IFFO2: variants seen among roughly 807,000 people sequenced by gnomAD.
IFFO2 encodes the protein intermediate filament family orphan 2.
A neutral mutation model predicts 53.5 loss-of-function variants in IFFO2; 19 were observed. That is an observed-to-expected ratio of 0.36 (90% CI 0.25 to 0.52). The LOEUF is 0.52. Among genes scored for constraint, IFFO2 ranks in the 20% least tolerant of loss-of-function variants. The pLI is 0.94. For synonymous variants in IFFO2, 303 were observed against 313.6 expected (o/e 0.97, Z 0.36); for missense variants, 570 against 727.4 (o/e 0.78, Z 2.49).
chr1:18,937,711 C>T (rs1569858096), intron 1 of IFFO2, among the ~76,000 whole-genome samples: 1 of 152,212 alleles, frequency 6.6e-6, no homozygotes, highest in Non-Finnish European at 1.5e-5. Flanking sequence ...GTGACTCATC[C>T]AGGGTCACAT....
At position 18,951,552 on chromosome 1, in the gene IFFO2, G is replaced by A. The variant is rs1027354680; in HGVS notation, c.665+4116C>T. 2.6e-5 allele frequency among the ~76,000 whole-genome samples: 4 copies of A among 152,290 alleles called. No individual in the cohort carries two copies. The South Asian group carries it at 8.3e-4, about 32-fold the overall frequency. On this transcript the variant is annotated intron_variant, in intron 1 of 8. Coordinates refer to ENST00000455833, the MANE Select transcript of IFFO2 (RefSeq NM_001136265.2). ...GGGACACCAGGCCCCCAAAAGAGTC[G>A]CCCTGTCTGATAGGCAGCTAGGCCA...
At position 18,917,021 on chromosome 1, in the gene IFFO2, G is replaced by A. The variant is rs143329545; in HGVS notation, c.985C>T (p.Arg329Cys). 72 of 1,552,256 alleles carry A rather than the reference G, an allele frequency of 4.6e-5. No individual in the cohort carries two copies. The East Asian group carries it at 1.6e-3, about 35-fold the overall frequency. The change falls in exon 5 of 9, where the codon CGT becomes TGT. Residue 329 changes from arginine (R) to cysteine (C), a missense_variant. Coordinates refer to ENST00000455833, the MANE Select transcript of IFFO2 (RefSeq NM_001136265.2). This position sits in a 1 kb window ranked among gnomAD's most constrained non-coding sequence, Gnocchi z 5.9. ...ATGTCATCATCGGAAGCCACCTTAC[G>A]CTCTTTCTTTTTGGGGACCACCTGA... ...IFQVVPKKKE[R>C]KVASDDDISE...
chr1:18,933,646 T>A (rs1936408377), intron 1 of IFFO2, among the ~76,000 whole-genome samples: 2 of 152,022 alleles, frequency 1.3e-5, no homozygotes, highest in East Asian at 3.9e-4. Context: ...TAGTCCCAGA[T>A]ACTCAGGAGG....
intron 1 of IFFO2, among the ~76,000 whole-genome samples, chr1:18,950,856 C>T (rs1167600900): frequency 6.6e-6 from 1 of 152,248 alleles, no homozygotes; most frequent in African/African-American, 2.4e-5. Flanking sequence ...CCCCTTCCGG[C>T]TCACAGTCAG....
At chr1:18,922,877 C>G (rs553254420) in intron 1 of IFFO2, among the ~76,000 whole-genome samples, 2 of 152,126 alleles carry the variant, frequency 1.3e-5, no homozygotes, top group Non-Finnish European at 1.5e-5. Flanking sequence ...CAGGCCACCT[C>G]TCACCGAGAA....
rs1392790052 is a variant in IFFO2, at chr1:18,919,618, C to T, written c.822+60G>A. ...CCCCGGAGCCTCGGAGGGAATGAAG[C>T]ATTTTGCATGATGGGTGTGGGGGAG... On this transcript the variant is annotated intron_variant, in intron 3 of 8. Coordinates refer to ENST00000455833, the MANE Select transcript of IFFO2 (RefSeq NM_001136265.2). The surrounding 1 kb of genome is among the most constrained non-coding windows in gnomAD (Gnocchi z 4.9). The T allele has an allele frequency of 8.8e-7, 1 of 1,136,046 alleles. No homozygotes were observed. The highest frequency in any genetic ancestry group is 1.9e-4 in the Middle Eastern group (1 of 5,142). 70.4% of individuals were successfully genotyped at this position (1,136,046 alleles called of 1,614,324 possible).
intron 1 of IFFO2, among the ~76,000 whole-genome samples, chr1:18,951,736 A>G (rs1213362295): frequency 6.6e-6 from 1 of 152,184 alleles, no homozygotes; most frequent in Non-Finnish European, 1.5e-5. Flanking sequence ...GACAGGGGAA[A>G]CGGTTGAACC....
intron 8 of IFFO2, among the ~76,000 whole-genome samples, chr1:18,908,973 C>T (rs1320181951): frequency 6.6e-6 from 1 of 151,904 alleles, no homozygotes; most frequent in Non-Finnish European, 1.5e-5. Flanking sequence ...ATAGTAGGTG[C>T]TAAGTAAAAC....
intron 5 of IFFO2, among the ~76,000 whole-genome samples, chr1:18,914,214 G>A (rs1368432048): frequency 2.6e-5 from 4 of 152,140 alleles, no homozygotes; most frequent in South Asian, 2.1e-4. Flanking sequence ...ACACAGAGGC[G>A]CCCACTCCTG....
intron 5 of IFFO2, among the ~76,000 whole-genome samples, chr1:18,913,169 C>T (rs774957876): frequency 1.2e-4 from 18 of 152,210 alleles, no homozygotes; most frequent in Admixed American, 7.2e-4. Context: ...GGGACTGGGC[C>T]GGTCCCAAGA....
chr1:18,912,915 A>G (rs1247529617), intron 5 of IFFO2, among the ~76,000 whole-genome samples: 1 of 152,230 alleles, frequency 6.6e-6, no homozygotes, highest in Non-Finnish European at 1.5e-5. Context: ...AGGGGTTCCC[A>G]AGATGCCTTG....
rs761470084 is a variant in IFFO2 at position 18,956,226 on chromosome 1, C to G, written c.107G>C (p.Gly36Ala). 25 of 1,282,252 alleles carry G rather than the reference C, an allele frequency of 1.9e-5. 1 individual carries two copies. The South Asian group carries it at 3.7e-4, about 19-fold the overall frequency. 79.4% of individuals were successfully genotyped at this position (1,282,252 alleles called of 1,614,324 possible). A position where few individuals can be genotyped will look rare whatever the true frequency, so the allele number is the denominator to read the frequency against. The change falls in exon 1 of 9, where the codon GGG (glycine) becomes GCG (alanine). Residue 36 changes from glycine to alanine, a missense_variant. Coordinates refer to ENST00000455833, the MANE Select transcript of IFFO2 (RefSeq NM_001136265.2). This position sits in a 1 kb window ranked among gnomAD's most constrained non-coding sequence, Gnocchi z 6.4. ...CGCCGTCACCGGCGACGGACCCGGC[C>G]CTGCCCCGCCGCCGCCGCCGCCCCC... ...PGGGGGGGGA[G>A]PGPSPVTAAL...
chr1:18,931,640 T>C (rs1303428255), intron 1 of IFFO2, among the ~76,000 whole-genome samples: 1 of 152,188 alleles, frequency 6.6e-6, no homozygotes, highest in African/African-American at 2.4e-5. Flanking sequence ...AAAATGCTGA[T>C]TAGGTGCTAA....
chr1:18,911,669 G>C (rs1185825617), intron 6 of IFFO2, among the ~76,000 whole-genome samples, 193 bp from the exon 7 acceptor site: 1 of 152,154 alleles, frequency 6.6e-6, no homozygotes, highest in East Asian at 1.9e-4. Flanking sequence ...CTCCCGAATA[G>C]CTGGGATTAC....
intron 1 of IFFO2, among the ~76,000 whole-genome samples, chr1:18,953,793 C>T (rs979193806): frequency 6.6e-6 from 1 of 152,208 alleles, no homozygotes; most frequent in Non-Finnish European, 1.5e-5. Context: ...ACACCCCACG[C>T]CCTGGGTGCA....
chr1:18,937,418 T>C (rs918582320), intron 1 of IFFO2, among the ~76,000 whole-genome samples: 1 of 152,194 alleles, frequency 6.6e-6, no homozygotes, highest in African/African-American at 2.4e-5. Flanking sequence ...GCTCCTGTCA[T>C]CATGGCGGGC....
chr1:18,918,463 T>G lies in IFFO2; in HGVS notation c.862A>C (p.Met288Leu). ...CGGCAGATGTCCATGTCCACCTTCATGGCCTTTTCTTGGATCTTTGTGTCC... is the reference window on the plus strand; with the variant it reads ...CGGCAGATGTCCATGTCCACCTTCAGGGCCTTTTCTTGGATCTTTGTGTCC... ...DLDTKIQEKAMKVDMDICRRI... is the reference protein window; with the variant it reads ...DLDTKIQEKALKVDMDICRRI... Residue 288 changes from methionine to leucine, a missense_variant, in exon 4 of 9, where the codon ATG becomes CTG. Coordinates refer to ENST00000455833, the MANE Select transcript of IFFO2 (RefSeq NM_001136265.2). The surrounding 1 kb of genome is among the most constrained non-coding windows in gnomAD (Gnocchi z 5.2). 5 of 1,560,818 alleles carry G rather than the reference T, an allele frequency of 3.2e-6. No homozygotes were observed. Among genetic ancestry groups the G allele is most frequent in the Non-Finnish European group, 4.3e-6 (5 of 1,152,066 alleles).
intron 1 of IFFO2, among the ~76,000 whole-genome samples, chr1:18,940,756 C>T (rs750927106): frequency 2.0e-5 from 3 of 152,178 alleles, no homozygotes; most frequent in South Asian, 4.1e-4. Flanking sequence ...GTGATACAGA[C>T]CCTCCAGTAT....
At chr1:18,925,766 A>ATGGATGGATGGATGGATTGGT (rs1192353636) in intron 1 of IFFO2, among the ~76,000 whole-genome samples, 2 of 151,308 alleles carry the variant, frequency 1.3e-5, no homozygotes, top group African/African-American at 4.9e-5. Context: ...GGTTGGATGG[A>ATGGATGGATGGATGGATTGGT]TGGATGGATG....
Sources: gnomAD v4.1 joint callset for allele counts (sites outside exome capture counted in the v4.1 genomes callset) on GRCh38, gnomAD v4.1.1 for gene constraint, Gnocchi (gnomAD v3.1) non-coding constraint, MANE v1.5 for transcripts, NCBI Gene and HGNC (gene_info 2026-07-23, HGNC 2026-07-21) for gene names.